SGIP1: variants seen among roughly 807,000 people sequenced by gnomAD.
SGIP1 encodes the protein SH3-containing GRB2-like protein 3-interacting protein 1.
A neutral mutation model predicts 107.5 loss-of-function variants in SGIP1; 38 were observed. The observed-to-expected ratio is 0.35, with a 90% CI of 0.27 to 0.46. SGIP1 has a LOEUF of 0.46. SGIP1 is among the 20% of genes least tolerant of loss of function. The pLI is 1.00. For synonymous variants in SGIP1, 365 were observed against 366.1 expected (o/e 1.00, Z 0.03); for missense variants, 929 against 1,019.5 (o/e 0.91, Z 1.21).
chr1:66,667,168 A>G (rs1476938673), intron 8 of SGIP1, among the ~76,000 whole-genome samples: 1 of 151,698 alleles, frequency 6.6e-6, no homozygotes, highest in Non-Finnish European at 1.5e-5. Context: ...TTACTTCTCT[A>G]TTCTCTAAGT....
At chr1:66,724,261 G>A (rs918220959) in intron 19 of SGIP1, among the ~76,000 whole-genome samples, 3 of 152,124 alleles carry the variant, frequency 2.0e-5, no homozygotes, top group Non-Finnish European at 4.4e-5. Flanking sequence ...TTTGACAAAT[G>A]TTTCATTTGT....
chr1:66,615,122 TTTTTG>T (rs370961608), intron 1 of SGIP1, among the ~76,000 whole-genome samples: 1 of 150,342 alleles, frequency 6.7e-6, no homozygotes, highest in Non-Finnish European at 1.5e-5. Flanking sequence ...CCCCCGGCCT[TTTTTG>T]TTTTGTTTTG....
At chr1:66,637,455 T>TTGTGTG (rs879668501) in intron 4 of SGIP1, among the ~76,000 whole-genome samples, 5 of 38,458 alleles carry the variant, frequency 1.3e-4, no homozygotes, top group African/African-American at 1.8e-4. Flanking sequence ...GTGTGTGTGT[T>TTGTGTG]TGTGTGTGTG....
intron 7 of SGIP1, among the ~76,000 whole-genome samples, chr1:66,644,248 C>G (rs1287421205): frequency 6.6e-6 from 1 of 151,902 alleles, no homozygotes; most frequent in African/African-American, 2.4e-5. Context: ...ATCAAATTGA[C>G]TTAAATAATC....
intron 1 of SGIP1, among the ~76,000 whole-genome samples, chr1:66,546,034 TGAAA>T (rs2056316079): frequency 6.6e-6 from 1 of 152,120 alleles, no homozygotes; most frequent in Non-Finnish European, 1.5e-5. Flanking sequence ...AAACTTTTGG[TGAAA>T]GAGTCAAGCC....
intron 4 of SGIP1, among the ~76,000 whole-genome samples, chr1:66,637,339 A>G (rs2075973754): frequency 6.6e-6 from 1 of 152,068 alleles, no homozygotes; most frequent in South Asian, 2.1e-4. Flanking sequence ...AATTCCATCC[A>G]GGCTCTGGCC....
rs181683465 is a variant in SGIP1, at chr1:66,737,417, G to T, written c.2032-1918G>T. ...GTATTAAAGTGTAGGCAAGGGCTGC[G>T]CACGGTGGCTCATGTCTGTAATCCT... On this transcript the variant is annotated intron_variant, in intron 21 of 24. Coordinates refer to ENST00000371037, the MANE Select transcript of SGIP1 (RefSeq NM_032291.4). Among the ~76,000 whole-genome samples, 759 of 152,162 alleles carry T rather than the reference G, an allele frequency of 5.0e-3. 1 individual carries two copies. Among genetic ancestry groups the T allele is most frequent in the Non-Finnish European group, 6.8e-3 (465 of 68,014 alleles).
chr1:66,684,013 AGCCCTAAATGCTTTTTG>A (rs1024757492), intron 15 of SGIP1: 3 of 1,510,194 alleles, frequency 2.0e-6, no homozygotes, highest in African/African-American at 1.4e-5. Flanking sequence ...TACCGCGCCC[AGCCCTAAATGCTTTTTG>A]GCCCTAAATG....
chr1:66,636,476 A>G (rs927558947), intron 4 of SGIP1, among the ~76,000 whole-genome samples: 1 of 152,192 alleles, frequency 6.6e-6, no homozygotes, highest in African/African-American at 2.4e-5. Context: ...ACCCTAGCCC[A>G]AACTCTGTAG....
intron 15 of SGIP1, among the ~76,000 whole-genome samples, chr1:66,686,082 G>A (rs550489266): frequency 3.3e-5 from 5 of 152,358 alleles, no homozygotes; most frequent in African/African-American, 1.2e-4. Context: ...TGAACTATTA[G>A]CCTCATTTTG....
At chr1:66,557,757 C>T (rs1048566314) in intron 1 of SGIP1, among the ~76,000 whole-genome samples, 2 of 152,062 alleles carry the variant, frequency 1.3e-5, no homozygotes, top group Non-Finnish European at 2.9e-5. Context: ...CTATTGTTAC[C>T]AAAAACAGTC....
intron 17 of SGIP1, 105 bp downstream of exon 17, chr1:66,690,421 T>C: frequency 2.7e-6 from 4 of 1,503,256 alleles, no homozygotes; most frequent in Non-Finnish European, 3.6e-6. Context: ...ATTGTTTTGC[T>C]GTGTGTTTTG....
chr1:66,551,792 A>G (rs2057450642), intron 1 of SGIP1, among the ~76,000 whole-genome samples: 1 of 152,188 alleles, frequency 6.6e-6, no homozygotes, highest in Admixed American at 6.5e-5. Context: ...ACAATTGCAT[A>G]GATGAACGCC....
intron 19 of SGIP1, among the ~76,000 whole-genome samples, chr1:66,725,777 A>G (rs2093726160): frequency 6.6e-6 from 1 of 152,210 alleles, no homozygotes; most frequent in African/African-American, 2.4e-5. Flanking sequence ...GCCTGGCATA[A>G]GGAGAGCCCA....
chr1:66,616,371 G>A (rs1303875617), intron 1 of SGIP1, among the ~76,000 whole-genome samples: 1 of 151,842 alleles, frequency 6.6e-6, no homozygotes, highest in Non-Finnish European at 1.5e-5. Flanking sequence ...CTGATTTCTG[G>A]TTGTTTTATA....
intron 1 of SGIP1, among the ~76,000 whole-genome samples, chr1:66,537,134 A>G (rs2053813372): frequency 6.6e-6 from 1 of 152,166 alleles, no homozygotes; most frequent in Admixed American, 6.5e-5. Flanking sequence ...CAAGCAGGTG[A>G]TTAGTGGTTT....
intron 24 of SGIP1, among the ~76,000 whole-genome samples, chr1:66,742,085 C>T (rs2094465195): frequency 6.6e-6 from 1 of 152,132 alleles, no homozygotes; most frequent in Admixed American, 6.5e-5. Context: ...TAATTTATCT[C>T]CCACCAGAAA....
At chr1:66,739,605 C>T (rs1216470001) in intron 22 of SGIP1, 68 bp downstream of exon 22, 5 of 1,498,194 alleles carry the variant, frequency 3.3e-6, no homozygotes, top group Non-Finnish European at 3.7e-6. Context: ...CTCCTTAGCA[C>T]TTGCGTGTCC....
chr1:66,744,499 A>G lies in SGIP1; in HGVS notation c.*1404A>G, dbSNP rs2094527191. The G allele has an allele frequency of 6.6e-6, 1 of 152,040 alleles. No homozygotes were observed. The highest frequency in any genetic ancestry group is 1.5e-5 in the Non-Finnish European group (1 of 67,930). 9.4% of individuals were successfully genotyped at this position (152,040 alleles called of 1,614,324 possible). ...AGTCATAGAACTTATTTAAACATAA[A>G]CCAATTTCTATTACAGGTTATGCTA... On this transcript the variant is annotated 3_prime_UTR_variant, in exon 25 of 25. Coordinates refer to ENST00000371037, the MANE Select transcript of SGIP1 (RefSeq NM_032291.4).
Sources: allele counts gnomAD v4.1 joint callset (sites outside exome capture counted in the v4.1 genomes callset), GRCh38; gene constraint gnomAD v4.1.1; transcripts MANE v1.5; gene names NCBI Gene and HGNC (gene_info 2026-07-23, HGNC 2026-07-21).